BLTP1: variants seen among roughly 807,000 people sequenced by gnomAD.
BLTP1 encodes the protein fragile site-associated protein.
At chr4:122,284,848 A>G in the BLTP1 span, among the ~76,000 whole-genome samples, 74 of 152,340 alleles carry the variant, frequency 4.9e-4, no homozygotes, top group African/African-American at 1.7e-3. Flanking sequence ...ACGGTTTGAT[A>G]CTATCTATGA....
At chr4:122,340,852 G>A in the BLTP1 span, 1 of 931,682 alleles carries the variant, frequency 1.1e-6, no homozygotes, top group African/African-American at 1.8e-5. Flanking sequence ...TACTAAAGGT[G>A]AAATGAAAAT....
the BLTP1 span, chr4:122,173,286 T>C: frequency 2.0e-6 from 2 of 984,704 alleles, no homozygotes; most frequent in South Asian, 1.6e-5. Context: ...CTGATAGTTC[T>C]GGAGGCTGGG....
At chr4:122,233,962 C>G in the BLTP1 span, among the ~76,000 whole-genome samples, 1 of 151,988 alleles carries the variant, frequency 6.6e-6, no homozygotes, top group Non-Finnish European at 1.5e-5. Flanking sequence ...GTGATAATAC[C>G]TATTCTGTTT....
chr4:122,285,420 C>A, the BLTP1 span, among the ~76,000 whole-genome samples: 1 of 151,988 alleles, frequency 6.6e-6, no homozygotes, highest in Admixed American at 6.6e-5. Flanking sequence ...AGTCCCCACC[C>A]CTTGCAGTTT....
chr4:122,277,484 C>T, the BLTP1 span: 7,977 of 979,514 alleles, frequency 8.1e-3, 502 homozygotes, highest in African/African-American at 0.13. Context: ...CTTCTTTCTG[C>T]TCTTTCATTT....
At chr4:122,179,860 C>G in the BLTP1 span, 1 of 985,190 alleles carries the variant, frequency 1.0e-6, no homozygotes, top group Non-Finnish European at 1.2e-6. Flanking sequence ...TACACAGAGG[C>G]TACATGCAAA....
At chr4:122,187,767 A>G in the BLTP1 span, 1 of 1,101,334 alleles carries the variant, frequency 9.1e-7, no homozygotes, top group Non-Finnish European at 1.2e-6. Context: ...TTTAAATAGC[A>G]CATAGTCCTA....
chr4:122,235,472 A>C, the BLTP1 span: 4 of 980,420 alleles, frequency 4.1e-6, no homozygotes, highest in African/African-American at 7.0e-5. Context: ...TTATAGTAAA[A>C]TTAAACATGT....
At chr4:122,312,236 A>G in the BLTP1 span, among the ~76,000 whole-genome samples, 93 of 152,102 alleles carry the variant, frequency 6.1e-4, no homozygotes, top group African/African-American at 1.5e-3. Flanking sequence ...GAGTCTCACT[A>G]TGTTGCCCAG....
At chr4:122,352,358 T>TC in the BLTP1 span, among the ~76,000 whole-genome samples, 3 of 145,526 alleles carry the variant, frequency 2.1e-5, no homozygotes, top group Non-Finnish European at 3.0e-5. Flanking sequence ...GGTTTTTCTT[T>TC]TTTTTTTTTT....
chr4:122,337,946 A>G, the BLTP1 span, among the ~76,000 whole-genome samples: 2 of 151,522 alleles, frequency 1.3e-5, no homozygotes, highest in Admixed American at 6.6e-5. Flanking sequence ...AGGAGGATTT[A>G]AAACTACTTG....
the BLTP1 span, chr4:122,293,153 A>G: frequency 8.2e-6 from 8 of 980,086 alleles, no homozygotes; most frequent in Admixed American, 1.2e-4. Context: ...TATTTATGCC[A>G]TACTATGAAA....
the BLTP1 span, among the ~76,000 whole-genome samples, chr4:122,294,370 G>A: frequency 3.3e-5 from 5 of 152,272 alleles, no homozygotes; most frequent in South Asian, 6.2e-4. Context: ...GCATTAGGTC[G>A]GTACCTGGGG....
the BLTP1 span, among the ~76,000 whole-genome samples, chr4:122,359,077 TA>T: frequency 1.4e-4 from 20 of 140,646 alleles, no homozygotes; most frequent in Admixed American, 2.9e-4. Context: ...TCAAAGCTGT[TA>T]AAAAAAAAAA....
the BLTP1 span, chr4:122,155,001 A>G: frequency 4.7e-6 from 4 of 850,636 alleles, no homozygotes; most frequent in Non-Finnish European, 4.2e-6. Context: ...GACATGATCA[A>G]AGGTGATTAA....
At chr4:122,234,665 A>G in the BLTP1 span, 1 of 1,217,192 alleles carries the variant, frequency 8.2e-7, no homozygotes, top group East Asian at 2.6e-5. Flanking sequence ...TTTGTCATTT[A>G]AAAATATTTA....
At chr4:122,243,119 G>A in the BLTP1 span, 2 of 1,534,102 alleles carry the variant, frequency 1.3e-6, no homozygotes, top group East Asian at 2.3e-5. Flanking sequence ...TATGAGATGG[G>A]TAGAGTTTAT....
the BLTP1 span, chr4:122,266,834 A>G: frequency 1.9e-6 from 3 of 1,610,982 alleles, no homozygotes; most frequent in Non-Finnish European, 2.5e-6. Context: ...ACAGGATACA[A>G]TGCCATTCTG....
At chr4:122,339,480 A>G in the BLTP1 span, 3 of 977,324 alleles carry the variant, frequency 3.1e-6, no homozygotes, top group South Asian at 2.9e-5. Context: ...TTTAATAGTA[A>G]TTAATACATA....
Sources: allele counts gnomAD v4.1 joint callset (sites outside exome capture counted in the v4.1 genomes callset), GRCh38; gene constraint gnomAD v4.1.1; transcripts MANE v1.5; gene names NCBI Gene and HGNC (gene_info 2026-07-23, HGNC 2026-07-21).